The following TNR variants were observed in gnomAD, a reference collection of about 807,000 sequenced individuals.
TNR encodes the protein tenascin-R.
A neutral mutation model predicts 150.4 loss-of-function variants in TNR; 45 were observed. The observed-to-expected ratio is 0.30, with a 90% CI of 0.24 to 0.38. The LOEUF is 0.38. TNR is among the 10% of genes least tolerant of loss of function. The pLI, the probability that TNR is intolerant of heterozygous loss-of-function variation, is 1.00. For missense variants in TNR, 1,544 were observed against 1,759.1 expected, an observed-to-expected ratio of 0.88 and a Z score of 2.19; for synonymous variants, 687 against 678.4, an observed-to-expected ratio of 1.01 and a Z score of -0.20.
intron 2 of TNR, among the ~76,000 whole-genome samples, chr1:175,457,351 A>T (rs1307094372): frequency 6.6e-6 from 1 of 152,176 alleles, no homozygotes; most frequent in Admixed American, 6.5e-5. Flanking sequence ...ATTATAAAAG[A>T]TATTGGTGGC....
chr1:175,331,050 T>TTTCTTTCTTTCTTTCCTTCCTTCCTTCC (rs1649782749), intron 20 of TNR, among the ~76,000 whole-genome samples: 11 of 95,762 alleles, frequency 1.1e-4, no homozygotes, highest in African/African-American at 4.6e-4. Context: ...TCTTTCTTTC[T>TTTCTTTCTTTCTTTCCTTCCTTCCTTCC]TTCTTTCTTT....
rs74127371 is a variant in TNR, at chr1:175,627,641, C to T, written c.-164-99272G>A. ...TGCACCAGGCTTAGAACTTGATAGG[C>T]CATCAATAAATTATAGCTCTAATTG... is the stretch of plus-strand genomic sequence containing the variant. On this transcript the variant is annotated intron_variant, in intron 1 of 22. Transcript: ENST00000367674. Among the ~76,000 whole-genome samples, 308 of 152,246 alleles carry T rather than the reference C, an allele frequency of 2.0e-3. 2 individuals are homozygous for T. The highest frequency in any genetic ancestry group is 7.1e-3 in the African/African-American group (295 of 41,538).
chr1:175,675,918 C>T (rs1031509009), intron 1 of TNR, among the ~76,000 whole-genome samples: 6 of 152,142 alleles, frequency 3.9e-5, no homozygotes, highest in African/African-American at 1.4e-4. Context: ...ATTCTGTCAA[C>T]ATCACACCTG....
intron 19 of TNR, among the ~76,000 whole-genome samples, chr1:175,336,073 C>T (rs1650233469): frequency 6.6e-6 from 1 of 152,156 alleles, no homozygotes; most frequent in Non-Finnish European, 1.5e-5. Flanking sequence ...AATTTGCACC[C>T]CTGCAATGTA....
At chr1:175,553,772 C>T (rs1207401718) in intron 1 of TNR, among the ~76,000 whole-genome samples, 2 of 150,270 alleles carry the variant, frequency 1.3e-5, no homozygotes, top group East Asian at 2.0e-4. Context: ...CACACACATT[C>T]GTGTAGATAT....
intron 7 of TNR, among the ~76,000 whole-genome samples, chr1:175,387,862 T>C (rs1213176212): frequency 6.6e-6 from 1 of 152,216 alleles, no homozygotes; most frequent in Non-Finnish European, 1.5e-5. Flanking sequence ...CCCCTCCCTC[T>C]TTCCGGGTCT....
chr1:175,330,387 A>T, intron 20 of TNR, 152 bp from the exon 21 acceptor site: 6 of 772,970 alleles, frequency 7.8e-6, no homozygotes, highest in Non-Finnish European at 1.2e-5. Context: ...GTTGTTATCA[A>T]ATGGACCCTG....
intron 1 of TNR, among the ~76,000 whole-genome samples, chr1:175,680,704 T>C (rs1166768532): frequency 1.3e-5 from 2 of 152,006 alleles, no homozygotes; most frequent in East Asian, 3.9e-4. Flanking sequence ...GGACAGGGCA[T>C]GGGGGACTAA....
At chr1:175,628,833 T>A (rs975977918) in intron 1 of TNR, among the ~76,000 whole-genome samples, 1 of 152,208 alleles carries the variant, frequency 6.6e-6, no homozygotes, top group African/African-American at 2.4e-5. Context: ...TTCATTCCAC[T>A]TGTCTATCAG....
At chr1:175,627,849 G>T (rs556325038) in intron 1 of TNR, among the ~76,000 whole-genome samples, 1 of 152,298 alleles carries the variant, frequency 6.6e-6, no homozygotes, top group Admixed American at 6.5e-5. Context: ...GGAGGAAGCT[G>T]CAAATTTCTA....
intron 2 of TNR, among the ~76,000 whole-genome samples, chr1:175,500,553 G>T (rs1007512179): frequency 1.3e-5 from 2 of 152,112 alleles, no homozygotes; most frequent in Non-Finnish European, 2.9e-5. Flanking sequence ...TGACCTTGGG[G>T]ACAAGCATGT....
intron 1 of TNR, among the ~76,000 whole-genome samples, chr1:175,542,591 A>T (rs1660547180): frequency 6.6e-6 from 1 of 152,220 alleles, no homozygotes; most frequent in African/African-American, 2.4e-5. Context: ...CACACCTCCA[A>T]GCAATGGAAT....
intron 2 of TNR, 140 bp from the exon 3 acceptor site, chr1:175,406,917 A>G: frequency 1.6e-6 from 1 of 636,444 alleles, no homozygotes. Flanking sequence ...GTGGCTGCCA[A>G]TGTCATAAAG....
intron 1 of TNR, among the ~76,000 whole-genome samples, chr1:175,608,494 A>C (rs547880951): frequency 3.5e-4 from 53 of 152,362 alleles, no homozygotes; most frequent in Non-Finnish European, 5.9e-4. Flanking sequence ...TTTATTAAAC[A>C]CAACTTTGAA....
chr1:175,382,024 C>A (rs1652702016), intron 8 of TNR, among the ~76,000 whole-genome samples: 1 of 152,264 alleles, frequency 6.6e-6, no homozygotes, highest in South Asian at 2.1e-4. Flanking sequence ...ATCTAGGTCT[C>A]AGTTAAAACG....
chr1:175,581,587 A>C (rs1662351417), intron 1 of TNR, among the ~76,000 whole-genome samples: 1 of 152,184 alleles, frequency 6.6e-6, no homozygotes, highest in African/African-American at 2.4e-5. Flanking sequence ...ATGTGGTGGG[A>C]GTTCTGATCT....
chr1:175,379,795 T>A lies in TNR; in HGVS notation c.1778-58A>T. On this transcript the variant is annotated intron_variant, in intron 8 of 22. Transcript: ENST00000367674. ...ATGATAATGTAATGTACATTTGTGG[T>A]GCATCTTGAACTCTGAAAAGATTGG... The A allele has an allele frequency of 3.8e-6, 6 of 1,572,178 alleles. No individual in the cohort carries two copies. In the South Asian group the frequency reaches 7.2e-5, roughly 19 times the overall value.
At chr1:175,731,426 T>C (rs1244742091) in intron 1 of TNR, among the ~76,000 whole-genome samples, 4 of 152,218 alleles carry the variant, frequency 2.6e-5, no homozygotes, top group Admixed American at 6.5e-5. Context: ...AAATATAGTA[T>C]ATAACTATGA....
chr1:175,687,112 T>C (rs1039163500), intron 1 of TNR, among the ~76,000 whole-genome samples: 1 of 152,180 alleles, frequency 6.6e-6, no homozygotes, highest in African/African-American at 2.4e-5. Flanking sequence ...CAAGGCACCA[T>C]GGCATGAGCT....
Sources: gnomAD v4.1 joint callset for allele counts (sites outside exome capture counted in the v4.1 genomes callset) on GRCh38, gnomAD v4.1.1 for gene constraint, MANE v1.5 for transcripts, NCBI Gene and HGNC (gene_info 2026-07-23, HGNC 2026-07-21) for gene names.